The following ACSBG1 variants were observed in gnomAD, a reference collection of about 807,000 sequenced individuals.
The protein encoded by ACSBG1 is long-chain-fatty-acid--CoA ligase ACSBG1.
Under a neutral mutation model 80.2 loss-of-function variants are expected in ACSBG1, and 39 were observed. That is an observed-to-expected ratio of 0.49 (90% CI 0.38 to 0.64). ACSBG1 has a LOEUF of 0.64. ACSBG1 is among the 30% of genes least tolerant of loss of function. The pLI, the probability that ACSBG1 is intolerant of heterozygous loss-of-function variation, is 0.00. For synonymous variants in ACSBG1, 392 were observed against 379.5 expected (o/e 1.03, Z -0.38); for missense variants, 828 against 966.4 (o/e 0.86, Z 1.90).
chr15:78,217,034 C>T (rs1423717853), intron 1 of ACSBG1, among the ~76,000 whole-genome samples: 1 of 152,194 alleles, frequency 6.6e-6, no homozygotes, highest in Non-Finnish European at 1.5e-5. Flanking sequence ...TCAGATATCA[C>T]AGATAAAGGG....
intron 1 of ACSBG1, 107 bp downstream of exon 1, chr15:78,234,264 A>C: frequency 6.9e-7 from 1 of 1,455,988 alleles, no homozygotes; most frequent in Non-Finnish European, 9.2e-7. Context: ...CCAGGTGAAG[A>C]AACTGAGGCT....
intron 11 of ACSBG1, among the ~76,000 whole-genome samples, chr15:78,176,929 A>AAAAT (rs201512562): frequency 4.6e-4 from 70 of 152,226 alleles, no homozygotes; most frequent in East Asian, 1.2e-3. Context: ...CCCTGTTTCA[A>AAAAT]AAATAAATAA....
chr15:78,205,991 C>T (rs560681432), intron 2 of ACSBG1, among the ~76,000 whole-genome samples: 19 of 152,186 alleles, frequency 1.2e-4, no homozygotes, highest in Non-Finnish European at 2.2e-4. Context: ...GAATCTGGAA[C>T]TCACCCACGC....
intron 5 of ACSBG1, among the ~76,000 whole-genome samples, chr15:78,190,875 A>C (rs376220949): frequency 0.053 from 8,060 of 152,222 alleles, 749 homozygotes; most frequent in African/African-American, 0.19. Context: ...ACAAGATAAA[A>C]AAGACAAAAA....
chr15:78,178,471 CGTGT>C lies in ACSBG1; in HGVS notation c.1702+139_1702+142del. On this transcript the variant is annotated intron_variant, in intron 11 of 13. Coordinates refer to ENST00000258873, the MANE Select transcript of ACSBG1 (RefSeq NM_015162.5). This position sits in a 1 kb window ranked among gnomAD's most constrained non-coding sequence, Gnocchi z 4.3. ...ATGCCACCACGCCCAGCTAATTTTT[CGTGT>C]GTTTTTAGTAGAGATGGGGTTTCGC... 2 of 883,052 alleles carry C rather than the reference CGTGT, an allele frequency of 2.3e-6. No individual in the cohort carries two copies. Among genetic ancestry groups the C allele is most frequent in the Non-Finnish European group, 3.3e-6 (2 of 603,410 alleles). 54.7% of individuals were successfully genotyped at this position (883,052 alleles called of 1,614,324 possible). A position where few individuals can be genotyped will look rare whatever the true frequency, so the allele number is the denominator to read the frequency against.
chr15:78,197,735 A>T (rs1447651571), intron 2 of ACSBG1, among the ~76,000 whole-genome samples: 5 of 151,168 alleles, frequency 3.3e-5, no homozygotes, highest in African/African-American at 7.3e-5. Context: ...AAAAAAAAAA[A>T]AAAAAAAATA....
intron 1 of ACSBG1, among the ~76,000 whole-genome samples, chr15:78,209,747 C>G (rs999239288): frequency 1.3e-5 from 2 of 152,132 alleles, no homozygotes; most frequent in Admixed American, 1.3e-4. Flanking sequence ...TCTCAGAGGA[C>G]GGTGGACAGC....
intron 1 of ACSBG1, among the ~76,000 whole-genome samples, chr15:78,220,236 T>C (rs986582860): frequency 6.6e-5 from 10 of 152,158 alleles, no homozygotes; most frequent in Admixed American, 5.9e-4. Context: ...AATGGGAAAA[T>C]ATTTGTCTTT....
intron 11 of ACSBG1, among the ~76,000 whole-genome samples, chr15:78,175,127 A>G (rs1388841160): frequency 6.6e-6 from 1 of 152,128 alleles, no homozygotes; most frequent in Non-Finnish European, 1.5e-5. Context: ...CCTTGCTTGT[A>G]CCCTTCTCCC....
chr15:78,222,850 C>A (rs949104238), intron 1 of ACSBG1, among the ~76,000 whole-genome samples: 9 of 152,140 alleles, frequency 5.9e-5, no homozygotes, highest in African/African-American at 2.2e-4. Flanking sequence ...AGCAAGAATT[C>A]TTTTCCAGTA....
Position 78,199,349 on chromosome 15 carries a change from T to A in ACSBG1, c.233-4623A>T, listed in dbSNP as rs1046474471. On this transcript the variant is annotated intron_variant, in intron 2 of 13. Coordinates refer to ENST00000258873, the MANE Select transcript of ACSBG1 (RefSeq NM_015162.5). ...ATCCTCCAGCCTTGGCCTCCCAAAG[T>A]GCTAGGATTACAGGCATGAGCCACT... 3.3e-5 allele frequency among the ~76,000 whole-genome samples: 5 copies of A among 151,580 alleles called. No individual in the cohort carries two copies. The East Asian group carries it at 8.0e-4, about 24-fold the overall frequency.
intron 5 of ACSBG1, 192 bp from the exon 6 acceptor site, chr15:78,182,977 G>A: frequency 1.6e-6 from 1 of 627,402 alleles, no homozygotes; most frequent in South Asian, 1.9e-5. Context: ...CAGTAAAGGT[G>A]GGGATAGCCA....
intron 7 of ACSBG1, 77 bp from the exon 8 acceptor site, chr15:78,182,222 G>T: frequency 3.3e-6 from 5 of 1,534,100 alleles, no homozygotes; most frequent in Non-Finnish European, 4.4e-6. Flanking sequence ...GCCACCCTGG[G>T]GGCCAGCCCC....
At chr15:78,190,562 C>T (rs1489512020) in intron 5 of ACSBG1, among the ~76,000 whole-genome samples, 2 of 130,332 alleles carry the variant, frequency 1.5e-5, no homozygotes, top group Non-Finnish European at 3.5e-5. Context: ...CAAAGTGAGA[C>T]CCTGTCTTAA....
At chr15:78,196,027 A>T (rs919791245) in intron 2 of ACSBG1, among the ~76,000 whole-genome samples, 1 of 152,234 alleles carries the variant, frequency 6.6e-6, no homozygotes, top group Non-Finnish European at 1.5e-5. Flanking sequence ...GGCCGGAAGT[A>T]GGGATGACAA....
rs141317586 is a variant in ACSBG1 at position 78,190,211 on chromosome 15, T to C, written c.663+3295A>G. Among the ~76,000 whole-genome samples the C allele has an allele frequency of 8.4e-3, 1,193 of 141,824 alleles. 13 individuals carry two copies. The highest frequency in any genetic ancestry group is 0.03 in the African/African-American group (1,125 of 37,820). The allele number at this position is 141,824 out of a possible 152,430, so 93.0% of individuals were successfully genotyped here. On this transcript the variant is annotated intron_variant, in intron 5 of 13. Transcript: ENST00000258873. ...ATTGCTTGAGCCCAGGAATTTGAGA[T>C]GAGCCTGGGCAACATAGCAAGACTC...
At chr15:78,181,911 C>T in intron 8 of ACSBG1, 58 bp downstream of exon 8, 3 of 1,575,382 alleles carry the variant, frequency 1.9e-6, no homozygotes, top group Non-Finnish European at 2.6e-6. Context: ...CCCACAGACA[C>T]ATGTGGACGT....
intron 13 of ACSBG1, 125 bp downstream of exon 13, chr15:78,173,468 G>A (rs1328924810): frequency 1.5e-6 from 2 of 1,335,866 alleles, no homozygotes; most frequent in Non-Finnish European, 2.0e-6. Context: ...GTAGATGGGT[G>A]TCACCCAGAT....
intron 1 of ACSBG1, among the ~76,000 whole-genome samples, chr15:78,222,538 C>T (rs1252883884): frequency 6.6e-6 from 1 of 152,148 alleles, no homozygotes; most frequent in African/African-American, 2.4e-5. Flanking sequence ...TGACAGGTGC[C>T]TGCGGTCACA....
Sources: gnomAD v4.1 joint callset for allele counts (sites outside exome capture counted in the v4.1 genomes callset) on GRCh38, gnomAD v4.1.1 for gene constraint, Gnocchi (gnomAD v3.1) non-coding constraint, MANE v1.5 for transcripts, NCBI Gene and HGNC (gene_info 2026-07-23, HGNC 2026-07-21) for gene names.